CCDC148: variants seen among roughly 807,000 people sequenced by gnomAD.
The protein encoded by CCDC148 is coiled-coil domain-containing protein 148.
CCDC148 carries 89 observed loss-of-function variants against 85.7 expected under a neutral mutation model. The observed-to-expected ratio is 1.04, with a 90% confidence interval of 0.87 to 1.24. The LOEUF is 1.24. CCDC148 is among the 50% of genes most tolerant of loss of function. The pLI, the probability that CCDC148 is intolerant of heterozygous loss-of-function variation, is 0.00. For synonymous variants in CCDC148, 230 were observed against 213.9 expected, an observed-to-expected ratio of 1.08 and a Z score of -0.66; for missense variants, 692 against 671.7, an observed-to-expected ratio of 1.03 and a Z score of -0.33.
chr2:158,345,382 A>AT, intron 2 of CCDC148, 64 bp from the exon 3 acceptor site: 1 of 1,090,148 alleles, frequency 9.2e-7, no homozygotes, highest in Non-Finnish European at 1.4e-6. Context: ...TTCACAACAG[A>AT]AATGCTTAAT....
chr2:158,241,909 T>C (rs1261968091), intron 10 of CCDC148, among the ~76,000 whole-genome samples: 1 of 152,206 alleles, frequency 6.6e-6, no homozygotes, highest in African/African-American at 2.4e-5. Flanking sequence ...ATGAAACTTA[T>C]GAAGTTAGTA....
chr2:158,288,804 AT>A, intron 9 of CCDC148: 1 of 377,118 alleles, frequency 2.7e-6, no homozygotes, highest in Non-Finnish European at 5.2e-6. Flanking sequence ...GTATTAGTCC[AT>A]TTTCATGCTG....
At chr2:158,399,464 G>T (rs963385593) in intron 1 of CCDC148, among the ~76,000 whole-genome samples, 6 of 152,206 alleles carry the variant, frequency 3.9e-5, no homozygotes, top group Middle Eastern at 6.8e-3. Context: ...ATGCAAGGCT[G>T]GTTCAACATA....
At chr2:158,333,522 G>T (rs1007296855) in intron 7 of CCDC148, among the ~76,000 whole-genome samples, 1 of 152,144 alleles carries the variant, frequency 6.6e-6, no homozygotes, top group African/African-American at 2.4e-5. Flanking sequence ...TTCTGTAGAT[G>T]TCTATTAGGT....
At chr2:158,452,395 G>A (rs960250942) in intron 1 of CCDC148, among the ~76,000 whole-genome samples, 4 of 152,182 alleles carry the variant, frequency 2.6e-5, no homozygotes, top group African/African-American at 9.7e-5. Flanking sequence ...TGGTAGTAGA[G>A]AGGCAGACAA....
chr2:158,229,635 G>A (rs1185934773), intron 10 of CCDC148, among the ~76,000 whole-genome samples: 2 of 151,954 alleles, frequency 1.3e-5, no homozygotes, highest in Non-Finnish European at 2.9e-5. Context: ...CTTTCTCATT[G>A]TTCAGCCCAT....
At chr2:158,222,952 G>A (rs961246156) in intron 10 of CCDC148, among the ~76,000 whole-genome samples, 2 of 152,162 alleles carry the variant, frequency 1.3e-5, no homozygotes, top group African/African-American at 4.8e-5. Context: ...TCTCACTGAG[G>A]AGTGTCGGAA....
At chr2:158,360,660 C>T (rs954210598) in intron 1 of CCDC148, among the ~76,000 whole-genome samples, 1 of 152,102 alleles carries the variant, frequency 6.6e-6, no homozygotes, top group African/African-American at 2.4e-5. Context: ...CTCGGAAACC[C>T]CAGCCGAAGC....
At chr2:158,382,314 C>T (rs78407773) in intron 1 of CCDC148, among the ~76,000 whole-genome samples, 10,848 of 152,088 alleles carry the variant, frequency 0.071, 536 homozygotes, top group South Asian at 0.12. Flanking sequence ...AATAAATTGA[C>T]GTATATTCAC....
chr2:158,285,017 G>A (rs1690548325), intron 9 of CCDC148, among the ~76,000 whole-genome samples: 1 of 152,144 alleles, frequency 6.6e-6, no homozygotes, highest in Admixed American at 6.6e-5. Context: ...GCTGGGCGTG[G>A]TGGCTCATAC....
At chr2:158,392,595 GAT>G (rs150033135) in intron 1 of CCDC148, among the ~76,000 whole-genome samples, 10,807 of 151,974 alleles carry the variant, frequency 0.071, 526 homozygotes, top group South Asian at 0.12. Context: ...AAGCATTTTG[GAT>G]AAAGGATACT....
chr2:158,365,990 C>T, intron 1 of CCDC148: 1 of 1,463,298 alleles, frequency 6.8e-7, no homozygotes, highest in East Asian at 2.5e-5. Context: ...AATAATAAAA[C>T]AGAGTTGGAA....
chr2:158,257,208 T>A (rs946678224), intron 9 of CCDC148, among the ~76,000 whole-genome samples: 1 of 151,814 alleles, frequency 6.6e-6, no homozygotes, highest in East Asian at 1.9e-4. Flanking sequence ...GCTTATCTGA[T>A]GGGGAAAATA....
At chr2:158,198,015 C>T (rs1429567822) in intron 11 of CCDC148, among the ~76,000 whole-genome samples, 1 of 152,126 alleles carries the variant, frequency 6.6e-6, no homozygotes, top group Non-Finnish European at 1.5e-5. Flanking sequence ...AATTTGGTCT[C>T]TACTTATCTA....
rs529272977 is a variant in CCDC148, at chr2:158,274,962, A to C, written c.1111-24050T>G. Among the ~76,000 whole-genome samples the C allele has an allele frequency of 1.4e-4, 21 of 152,380 alleles. No individual in the cohort carries two copies. The South Asian group carries it at 4.1e-3, about 30-fold the overall frequency. ...ATGAAAGGAGCAAGTCAACAGAGTC[A>C]CACGGATTTATATGAATTCTATAAA... On this transcript the variant is annotated intron_variant, in intron 9 of 13. Transcript: ENST00000283233.
intron 9 of CCDC148, among the ~76,000 whole-genome samples, chr2:158,261,695 G>A (rs1689231406): frequency 6.6e-6 from 1 of 151,916 alleles, no homozygotes; most frequent in African/African-American, 2.4e-5. Context: ...TTAAAAAGCA[G>A]GCAAAGGACA....
At chr2:158,273,335 C>T (rs180859350) in intron 9 of CCDC148, among the ~76,000 whole-genome samples, 235 of 152,190 alleles carry the variant, frequency 1.5e-3, no homozygotes, top group African/African-American at 5.2e-3. Flanking sequence ...CCCAATGTCC[C>T]GAGATTTCTT....
intron 7 of CCDC148, among the ~76,000 whole-genome samples, chr2:158,335,306 T>C (rs1682319205): frequency 6.6e-6 from 1 of 152,208 alleles, no homozygotes; most frequent in Non-Finnish European, 1.5e-5. Context: ...TAGCCTATGC[T>C]AACCCTACTC....
At chr2:158,219,695 G>T (rs568983962) in intron 11 of CCDC148, among the ~76,000 whole-genome samples, 6 of 152,292 alleles carry the variant, frequency 3.9e-5, no homozygotes, top group Admixed American at 1.3e-4. Context: ...TGGCCTGCCT[G>T]CATCCAAGTT....
Sources: gnomAD v4.1 joint callset for allele counts (sites outside exome capture counted in the v4.1 genomes callset) on GRCh38, gnomAD v4.1.1 for gene constraint, MANE v1.5 for transcripts, NCBI Gene and HGNC (gene_info 2026-07-23, HGNC 2026-07-21) for gene names.